Variants in HEATR5B observed in about 807,000 individuals in gnomAD.
The protein encoded by HEATR5B is HEAT repeat containing 5B.
A neutral mutation model predicts 224.1 loss-of-function variants in HEATR5B; 156 were observed. The observed-to-expected ratio is 0.70, with a 90% CI of 0.61 to 0.80. The LOEUF (loss-of-function observed/expected upper bound fraction) is 0.80. HEATR5B is among the 30% of genes least tolerant of loss of function. HEATR5B has a pLI of 0.00. For missense variants in HEATR5B, 2,323 were observed against 2,535.5 expected, an observed-to-expected ratio of 0.92 and a Z score of 1.80; for synonymous variants, 1,027 against 893.0, an observed-to-expected ratio of 1.15 and a Z score of -2.68.
intron 22 of HEATR5B, among the ~76,000 whole-genome samples, chr2:37,030,604 C>T (rs767519887): frequency 6.6e-6 from 1 of 152,186 alleles, no homozygotes; most frequent in Non-Finnish European, 1.5e-5. Flanking sequence ...CATGACTCTA[C>T]ATTTCTATCT....
intron 16 of HEATR5B, 142 bp downstream of exon 16, chr2:37,056,294 CACTT>C (rs1458396685): frequency 2.1e-5 from 11 of 517,508 alleles, no homozygotes; most frequent in South Asian, 9.1e-5. Context: ...ATGTATCTGT[CACTT>C]ACATTAGTAA....
intron 18 of HEATR5B, among the ~76,000 whole-genome samples, chr2:37,043,122 T>C (rs1294308874): frequency 6.6e-6 from 1 of 152,184 alleles, no homozygotes; most frequent in Non-Finnish European, 1.5e-5. Context: ...ACTTGATGTG[T>C]GCCAAAACTG....
intron 26 of HEATR5B, 86 bp downstream of exon 26, chr2:37,019,723 T>G: frequency 2.1e-6 from 2 of 971,324 alleles, no homozygotes; most frequent in Non-Finnish European, 3.2e-6. Flanking sequence ...TCCCAAATTT[T>G]TCTCTATTCC....
At position 37,038,920 on chromosome 2, in the gene HEATR5B, G is replaced by GGGGAA. The variant is rs58707175; in HGVS notation, c.3047-897_3047-896insTTCCC. On this transcript the variant is annotated intron_variant, in intron 20 of 35. Transcript: ENST00000233099. Reference sequence around the variant, plus strand: ...GTCTCCCTGGGGTGGGGGGGGTGGGGAATCACATATTTTTCAATTTCTAGC... The same window carrying GGGGAA: ...GTCTCCCTGGGGTGGGGGGGGTGGGGGGGAAAATCACATATTTTTCAATTTCTAGC... 1.3e-4 allele frequency among the ~76,000 whole-genome samples: 16 copies of GGGGAA among 124,640 alleles called. 2 individuals are homozygous for GGGGAA. The highest frequency in any genetic ancestry group is 1.6e-4 in the Admixed American group (2 of 12,876). 81.8% of individuals were successfully genotyped at this position (124,640 alleles called of 152,430 possible).
intron 12 of HEATR5B, among the ~76,000 whole-genome samples, chr2:37,059,463 TA>T (rs1553321035): frequency 0.15 from 14,807 of 97,630 alleles, 2,293 homozygotes; most frequent in South Asian, 0.26. Flanking sequence ...TATATATATA[TA>T]TTTTTTTTTT....
At chr2:37,054,770 A>C (rs985927063) in intron 16 of HEATR5B, among the ~76,000 whole-genome samples, 6 of 152,316 alleles carry the variant, frequency 3.9e-5, no homozygotes, top group Admixed American at 2.6e-4. Flanking sequence ...GGTGTGAGCC[A>C]CAACGCCCGG....
intron 12 of HEATR5B, among the ~76,000 whole-genome samples, chr2:37,059,811 T>A (rs538377520): frequency 2.0e-5 from 3 of 152,218 alleles, no homozygotes; most frequent in South Asian, 4.1e-4. Flanking sequence ...TGTAAATATA[T>A]ATGTATATAA....
At chr2:37,013,569 A>G (rs1022765766) in intron 27 of HEATR5B, among the ~76,000 whole-genome samples, 4 of 152,190 alleles carry the variant, frequency 2.6e-5, no homozygotes, top group Non-Finnish European at 4.4e-5. Flanking sequence ...GTGGCAAGTC[A>G]CCTGAAATTT....
chr2:37,054,747 T>C lies in HEATR5B; in HGVS notation c.2400-1140A>G, dbSNP rs1462828884. Among the ~76,000 whole-genome samples, 3 of 152,266 alleles carry C rather than the reference T, an allele frequency of 2.0e-5. No homozygotes were observed. In the East Asian group the frequency reaches 5.8e-4, roughly 29 times the overall value. On this transcript the variant is annotated intron_variant, in intron 16 of 35. Transcript: ENST00000233099. ...ATCTGCCCACCTTTGCCTCCCGAAG[T>C]GCTGGGATAACAGGTGTGAGCCACA...
intron 14 of HEATR5B, 99 bp downstream of exon 14, chr2:37,058,352 G>A (rs1671040706): frequency 2.9e-6 from 2 of 695,236 alleles, no homozygotes; most frequent in Non-Finnish European, 5.1e-6. Context: ...GCCTTCCTTT[G>A]CACAGTAAGT....
rs762474415 is a variant in HEATR5B at position 37,008,702 on chromosome 2, T to C, written c.4431A>G (p.Leu1477=). 4.9e-5 allele frequency: 79 copies of C among 1,614,016 alleles called. No individual in the cohort carries two copies. The African/African-American group carries it at 8.3e-4, about 17-fold the overall frequency. The part of the protein sequence containing the change: ...DSLITLVQPE[L]PTLSRLWLAA... ...CTAACCACAGGCGACTGAGTGTTGG[T>C]AGTTCAGGTTGTACCAGTGTTATTA... is the stretch of plus-strand genomic sequence containing the variant. Residue 1477 remains leucine (L), a synonymous_variant, in exon 28 of 36, where the codon CTA becomes CTG. Coordinates refer to ENST00000233099, the MANE Select transcript of HEATR5B (RefSeq NM_019024.3).
chr2:37,051,184 C>A (rs954957561), intron 17 of HEATR5B, among the ~76,000 whole-genome samples: 5 of 151,778 alleles, frequency 3.3e-5, no homozygotes, highest in Admixed American at 2.6e-4. Flanking sequence ...GGTGAAACCC[C>A]GTCTCTGCTA....
chr2:37,056,666 C>G, intron 15 of HEATR5B, 51 bp from the exon 16 acceptor site: 1 of 1,455,074 alleles, frequency 6.9e-7, no homozygotes, highest in Non-Finnish European at 9.3e-7. Flanking sequence ...AGGAAATCTA[C>G]TTATTAAACA....
intron 33 of HEATR5B, among the ~76,000 whole-genome samples, chr2:36,991,876 G>T (rs915500020): frequency 1.3e-5 from 2 of 152,038 alleles, no homozygotes; most frequent in African/African-American, 4.8e-5. Context: ...TGGAATAAAG[G>T]GTTAAGAACA....
At chr2:37,041,094 T>G in intron 19 of HEATR5B, 39 bp downstream of exon 19, 1 of 1,553,380 alleles carries the variant, frequency 6.4e-7, no homozygotes, top group East Asian at 2.3e-5. Flanking sequence ...CCAAAAAATT[T>G]TCTAAACTTT....
At chr2:37,008,542 T>C (rs1667575269) in intron 28 of HEATR5B, 69 bp downstream of exon 28, 2 of 1,054,048 alleles carry the variant, frequency 1.9e-6, no homozygotes, top group Admixed American at 1.7e-5. Flanking sequence ...TGCTAGTCTA[T>C]ACCGTCTCTA....
intron 8 of HEATR5B, among the ~76,000 whole-genome samples, chr2:37,068,154 G>T (rs1482919880): frequency 1.3e-5 from 2 of 152,028 alleles, no homozygotes; most frequent in African/African-American, 2.4e-5. Flanking sequence ...GCAAATCTAA[G>T]ACAATAACTA....
Position 37,049,763 on chromosome 2 carries a change from G to A in HEATR5B, c.2586C>T (p.Asp862=), listed in dbSNP as rs773915438. 2.7e-5 allele frequency: 44 copies of A among 1,602,098 alleles called. No individual in the cohort carries two copies. Among genetic ancestry groups the A allele is most frequent in the Non-Finnish European group, 3.7e-5 (44 of 1,175,904 alleles). The change falls in exon 18 of 36, where the codon GAC becomes GAT. Residue 862 remains aspartate, a synonymous_variant. Transcript: ENST00000233099. ...SALTLVMGPL[D]NPNPILRCAA... ...CACAACGTAAGATGGGGTTTGGGTT[G>A]TCCAGAGGACCCATAACCAGTGTCA... is the stretch of plus-strand genomic sequence containing the variant.
At chr2:37,014,536 T>G (rs1667993581) in intron 26 of HEATR5B, among the ~76,000 whole-genome samples, 1 of 152,152 alleles carries the variant, frequency 6.6e-6, no homozygotes, top group African/African-American at 2.4e-5. Context: ...AGTATTTACT[T>G]AACATGTTTC....
Sources: gnomAD v4.1 joint callset for allele counts (sites outside exome capture counted in the v4.1 genomes callset) on GRCh38, gnomAD v4.1.1 for gene constraint, MANE v1.5 for transcripts, NCBI Gene and HGNC (gene_info 2026-07-23, HGNC 2026-07-21) for gene names.